The following CCNY variants were observed in gnomAD, a reference collection of about 807,000 sequenced individuals.
The protein encoded by CCNY is cyclin Y, also known as cyclin-Y.
In CCNY, 19 loss-of-function variants were observed where a neutral mutation model predicts 42.8. The observed-to-expected ratio is 0.44, with a 90% CI of 0.31 to 0.65. CCNY has a LOEUF of 0.65. Ranked by LOEUF, CCNY falls within the 30% of genes least tolerant of loss-of-function variation. CCNY has a pLI of 0.07. For synonymous variants in CCNY, 165 were observed against 162.7 expected (o/e 1.01, Z -0.11); for missense variants, 370 against 437.3 (o/e 0.85, Z 1.37).
chr10:35,415,495 A>G (rs1838004474), intron 1 of CCNY, among the ~76,000 whole-genome samples: 4 of 146,900 alleles, frequency 2.7e-5, no homozygotes, highest in Middle Eastern at 4.0e-3. Context: ...GGCTTTGTGG[A>G]CTCTCAGAGG....
intron 3 of CCNY, among the ~76,000 whole-genome samples, chr10:35,287,659 A>T (rs903403613): frequency 2.0e-5 from 3 of 152,188 alleles, no homozygotes; most frequent in African/African-American, 7.2e-5. Context: ...TGGGTCTATC[A>T]GTAGTTCATT....
intron 1 of CCNY, among the ~76,000 whole-genome samples, chr10:35,457,585 ATT>A (rs879797759): frequency 1.4e-5 from 2 of 146,110 alleles, no homozygotes; most frequent in African/African-American, 2.5e-5. Flanking sequence ...TCATAGATGT[ATT>A]TTTTTTTTTT....
At chr10:35,453,961 T>A (rs561983328) in intron 1 of CCNY, among the ~76,000 whole-genome samples, 1 of 152,306 alleles carries the variant, frequency 6.6e-6, no homozygotes, top group South Asian at 2.1e-4. Flanking sequence ...CATTCCATTT[T>A]TTAAAAAAGA....
At chr10:35,251,662 C>T (rs2095712145) in intron 3 of CCNY, among the ~76,000 whole-genome samples, 1 of 151,390 alleles carries the variant, frequency 6.6e-6, no homozygotes, top group Admixed American at 6.6e-5. Context: ...AATCACAGCT[C>T]ACTGCAGCCT....
intron 3 of CCNY, among the ~76,000 whole-genome samples, chr10:35,265,575 G>A (rs2095724345): frequency 6.6e-6 from 1 of 152,232 alleles, no homozygotes; most frequent in South Asian, 2.1e-4. Flanking sequence ...TGCAGCCAGC[G>A]TTGAGAGCTG....
intron 3 of CCNY, among the ~76,000 whole-genome samples, chr10:35,326,889 A>AAAACAAAC (rs368209382): frequency 1.1e-4 from 16 of 151,882 alleles, no homozygotes; most frequent in African/African-American, 3.6e-4. Flanking sequence ...ACTGTCTCTT[A>AAAACAAAC]AAACAAACAA....
intron 7 of CCNY, among the ~76,000 whole-genome samples, chr10:35,547,723 C>T (rs1388539502): frequency 5.3e-5 from 8 of 152,264 alleles, no homozygotes; most frequent in African/African-American, 1.4e-4. Flanking sequence ...GGTCCCTTGT[C>T]GTCCCTGCAG....
intron 1 of CCNY, among the ~76,000 whole-genome samples, chr10:35,472,351 C>G (rs1297580659): frequency 6.6e-6 from 1 of 152,198 alleles, no homozygotes; most frequent in Non-Finnish European, 1.5e-5. Context: ...GTTTGAGCAT[C>G]TCTTTGGGGA....
chr10:35,511,721 C>T (rs954959320), intron 3 of CCNY, among the ~76,000 whole-genome samples: 3 of 152,206 alleles, frequency 2.0e-5, no homozygotes, highest in Non-Finnish European at 2.9e-5. Flanking sequence ...AGTGAATACA[C>T]GTAAAGTAAC....
intron 1 of CCNY, among the ~76,000 whole-genome samples, chr10:35,430,153 C>T (rs947814515): frequency 6.6e-5 from 10 of 150,932 alleles, no homozygotes; most frequent in African/African-American, 1.2e-4. Flanking sequence ...CCGGCTAAAA[C>T]GGTGAAACCC....
chr10:35,548,315 A>G (rs1294149635), intron 7 of CCNY, among the ~76,000 whole-genome samples: 3 of 146,554 alleles, frequency 2.0e-5, no homozygotes, highest in Non-Finnish European at 3.0e-5. Flanking sequence ...TATATATTTT[A>G]TGAGACGGAA....
At chr10:35,561,838 C>T (rs1441206403) in intron 8 of CCNY, among the ~76,000 whole-genome samples, 2 of 152,204 alleles carry the variant, frequency 1.3e-5, no homozygotes, top group African/African-American at 2.4e-5. Context: ...GAACACTGTA[C>T]GACGAGTGTC....
chr10:35,451,697 C>G (rs754064444), intron 1 of CCNY, among the ~76,000 whole-genome samples: 2 of 152,228 alleles, frequency 1.3e-5, no homozygotes, highest in Non-Finnish European at 2.9e-5. Flanking sequence ...AGGCCAGTCC[C>G]CCATAGTGCC....
At chr10:35,319,005 T>C (rs764734578) in intron 3 of CCNY, among the ~76,000 whole-genome samples, 9 of 152,202 alleles carry the variant, frequency 5.9e-5, no homozygotes, top group Non-Finnish European at 1.0e-4. Flanking sequence ...TAGTGTCACC[T>C]GGGCCGGAGT....
At chr10:35,506,996 G>A (rs1479296442) in intron 3 of CCNY, among the ~76,000 whole-genome samples, 2 of 152,150 alleles carry the variant, frequency 1.3e-5, no homozygotes, top group African/African-American at 2.4e-5. Context: ...GTTAGGGGAA[G>A]CACAACCACT....
At chr10:35,367,806 T>C (rs1272087762) in intron 1 of CCNY, among the ~76,000 whole-genome samples, 1 of 152,276 alleles carries the variant, frequency 6.6e-6, no homozygotes, top group Non-Finnish European at 1.5e-5. Flanking sequence ...AAGGCATGTC[T>C]GAATTACTGG....
intron 1 of CCNY, among the ~76,000 whole-genome samples, chr10:35,476,211 A>T (rs948188431): frequency 6.6e-6 from 1 of 152,186 alleles, no homozygotes; most frequent in Non-Finnish European, 1.5e-5. Context: ...CACTGTCAAC[A>T]TTAGACAGAT....
chr10:35,312,149 A>C (rs1029274023), intron 3 of CCNY, among the ~76,000 whole-genome samples: 3 of 152,074 alleles, frequency 2.0e-5, no homozygotes, highest in African/African-American at 7.2e-5. Flanking sequence ...ACGCTGAGGC[A>C]GGCGGATCAC....
chr10:35,440,247 G>A (rs1405356576), intron 1 of CCNY, among the ~76,000 whole-genome samples: 1 of 152,120 alleles, frequency 6.6e-6, no homozygotes, highest in Non-Finnish European at 1.5e-5. Flanking sequence ...TTTGCAGATT[G>A]TCTCCTTCTT....
Sources: gnomAD v4.1 joint callset for allele counts (sites outside exome capture counted in the v4.1 genomes callset) on GRCh38, gnomAD v4.1.1 for gene constraint, MANE v1.5 for transcripts, NCBI Gene and HGNC (gene_info 2026-07-23, HGNC 2026-07-21) for gene names.